Variants in BTAF1 observed in about 807,000 individuals in gnomAD.
BTAF1 encodes TATA-binding protein-associated factor 172.
Under a neutral mutation model 227.1 loss-of-function variants are expected in BTAF1, and 38 were observed. That is an observed-to-expected ratio of 0.17 (90% confidence interval 0.13 to 0.22). The LOEUF (loss-of-function observed/expected upper bound fraction) is 0.22. Ranked by LOEUF, BTAF1 falls within the 10% of genes least tolerant of loss-of-function variation. BTAF1 has a pLI of 1.00. For synonymous variants in BTAF1, 742 were observed against 751.9 expected (o/e 0.99, Z 0.21); for missense variants, 1,598 against 2,204.0 (o/e 0.73, Z 5.51).
In BTAF1 at chr10:91,961,463, T is replaced by C. The variant is rs574131493; in HGVS notation, c.1264-1075T>C. On this transcript the variant is annotated intron_variant, in intron 11 of 37. Transcript: ENST00000265990. Reference sequence around the variant, plus strand: ...TTCTAAGATTGTCTTTTTTTTTTTTTCCCTTCTTTAACTGCCAATAACAAA... The same window carrying C: ...TTCTAAGATTGTCTTTTTTTTTTTTCCCCTTCTTTAACTGCCAATAACAAA... Among the ~76,000 whole-genome samples the C allele has an allele frequency of 1.5e-3, 153 of 100,868 alleles. 1 individual carries two copies. The highest frequency in any genetic ancestry group is 5.7e-3 in the African/African-American group (143 of 24,924). The allele number at this position is 100,868 out of a possible 152,430, so 66.2% of individuals were successfully genotyped here. A position where few individuals can be genotyped will look rare whatever the true frequency, so the allele number is the denominator to read the frequency against.
At chr10:91,997,248 T>A in intron 24 of BTAF1, 1 of 846,152 alleles carries the variant, frequency 1.2e-6, no homozygotes, top group Non-Finnish European at 1.7e-6. Flanking sequence ...GACACTCAGT[T>A]ATATTCCTTT....
chr10:91,956,763 G>A, intron 7 of BTAF1, 106 bp downstream of exon 7: 1 of 1,239,468 alleles, frequency 8.1e-7, no homozygotes, highest in East Asian at 2.5e-5. Context: ...GTCGAGGCGG[G>A]CGTTATCACG....
intron 20 of BTAF1, among the ~76,000 whole-genome samples, chr10:91,991,797 G>GTGTGTGTATATA (rs1554860529): frequency 2.0e-4 from 2 of 10,006 alleles, no homozygotes; most frequent in African/African-American, 3.7e-4. Flanking sequence ...GTGTGTGTGT[G>GTGTGTGTATATA]TATATATATA....
In BTAF1 at chr10:91,982,243, G is replaced by A. The variant is rs375902000; in HGVS notation, c.2048+18G>A. On this transcript the variant is annotated intron_variant, in intron 17 of 37. Transcript: ENST00000265990. Reference sequence around the variant, plus strand: ...GCAGCCAAGTGAGTGTACATTAAGTGTCAGGTAGTCATACATTTACAAGTC... The same window carrying A: ...GCAGCCAAGTGAGTGTACATTAAGTATCAGGTAGTCATACATTTACAAGTC... 8.1e-6 allele frequency: 13 copies of A among 1,613,558 alleles called. No individual in the cohort carries two copies. The highest frequency in any genetic ancestry group is 1.1e-5 in the Non-Finnish European group (13 of 1,179,770).
Position 91,992,113 on chromosome 10 carries a change from T to C in BTAF1, c.2855-6T>C, listed in dbSNP as rs1848833083. ...TTAAAAGGTTGTTTAACTTTTTTCT[T>C]ATTAGGATCCACCTCAGAAAAAGAT... On this transcript the variant is annotated splice_region_variant and splice_polypyrimidine_tract_variant and intron_variant, in intron 20 of 37. Transcript: ENST00000265990. The C allele has an allele frequency of 1.9e-5, 30 of 1,552,652 alleles. No individual in the cohort carries two copies. The highest frequency in any genetic ancestry group is 2.6e-5 in the Non-Finnish European group (30 of 1,147,052).
At chr10:92,013,144 A>G (rs1165051949) in intron 30 of BTAF1, among the ~76,000 whole-genome samples, 4 of 152,210 alleles carry the variant, frequency 2.6e-5, no homozygotes, top group Non-Finnish European at 4.4e-5. Context: ...CTATCAGGAA[A>G]GCGTCTGAAA....
In BTAF1 at chr10:91,992,226, G is replaced by A. The variant is rs1848838112; in HGVS notation, c.2962G>A (p.Gly988Ser). 1.9e-6 allele frequency: 3 copies of A among 1,613,648 alleles called. No homozygotes were observed. In the Admixed American group the frequency reaches 5.0e-5, roughly 27 times the overall value. Residue 988 changes from glycine to serine, a missense_variant, in exon 21 of 38, where the codon GGT becomes AGT. Transcript: ENST00000265990. The stretch of plus-strand genomic sequence containing the variant: ...TGCCTTTGCTATCACAAGTAGGCGA[G>A]GTCCTACCCCCAAAGCAGTAAAAGC... ...KAAFAITSRRGPTPKAVKAQI... is the reference protein window; with the variant it reads ...KAAFAITSRRSPTPKAVKAQI...
chr10:92,004,301 A>C (rs1849737060), intron 25 of BTAF1, among the ~76,000 whole-genome samples: 1 of 152,148 alleles, frequency 6.6e-6, no homozygotes, highest in Non-Finnish European at 1.5e-5. Flanking sequence ...AGAAGTATTT[A>C]AGATTTCAGA....
At chr10:91,929,567 A>G (rs1178020731) in intron 1 of BTAF1, among the ~76,000 whole-genome samples, 1 of 152,242 alleles carries the variant, frequency 6.6e-6, no homozygotes, top group Non-Finnish European at 1.5e-5. Flanking sequence ...TTGTTTCAAC[A>G]GGCCTATTCT....
intron 14 of BTAF1, among the ~76,000 whole-genome samples, chr10:91,974,852 T>C (rs1227417313): frequency 6.6e-6 from 1 of 152,034 alleles, no homozygotes; most frequent in Non-Finnish European, 1.5e-5. Context: ...AAACTCCGTC[T>C]CAAAAACAAA....
At chr10:91,928,333 C>T (rs1844010263) in intron 1 of BTAF1, among the ~76,000 whole-genome samples, 1 of 152,114 alleles carries the variant, frequency 6.6e-6, no homozygotes, top group Non-Finnish European at 1.5e-5. Context: ...CTTTGTTACT[C>T]TCTAAAATTG....
At chr10:92,003,135 G>T (rs1354052909) in intron 25 of BTAF1, among the ~76,000 whole-genome samples, 1 of 138,054 alleles carries the variant, frequency 7.2e-6, no homozygotes, top group Non-Finnish European at 1.5e-5. Context: ...CAGCTTGGGC[G>T]ACAGAGTGAG....
At chr10:91,951,609 A>G (rs747841620) in intron 5 of BTAF1, 43 bp downstream of exon 5, 12 of 1,529,796 alleles carry the variant, frequency 7.8e-6, no homozygotes, top group Non-Finnish European at 1.1e-5. Flanking sequence ...TAATAATACA[A>G]AGGGTTTGCT....
At position 91,923,909 on chromosome 10, in the gene BTAF1, A is replaced by G; in HGVS notation, c.-168A>G. 1.3e-6 allele frequency: 1 copy of G among 744,124 alleles called. No homozygotes were observed. The highest frequency in any genetic ancestry group is 3.4e-5 in the East Asian group (1 of 29,284). 46.1% of individuals were successfully genotyped at this position (744,124 alleles called of 1,614,324 possible). ...GGCCGCCGCGGGGACGAGCTCGGGT[A>G]GGCGGCAGGGCAGATGCCCGAGGGC... On this transcript the variant is annotated 5_prime_UTR_variant, in exon 1 of 38. Transcript: ENST00000265990.
intron 1 of BTAF1, among the ~76,000 whole-genome samples, chr10:91,927,158 G>A (rs1384176016): frequency 4.7e-5 from 7 of 147,714 alleles, no homozygotes; most frequent in Admixed American, 2.7e-4. Context: ...TTTTTTTTGA[G>A]ACAGAGTTTT....
intron 1 of BTAF1, among the ~76,000 whole-genome samples, chr10:91,925,806 A>G (rs913764073): frequency 2.0e-5 from 3 of 152,206 alleles, no homozygotes; most frequent in Non-Finnish European, 4.4e-5. Flanking sequence ...CACCGCGCCC[A>G]GCCAACACTA....
chr10:91,966,161 A>G (rs1480390717), intron 13 of BTAF1, among the ~76,000 whole-genome samples: 1 of 152,214 alleles, frequency 6.6e-6, no homozygotes, highest in Non-Finnish European at 1.5e-5. Context: ...AGTTGCTACC[A>G]TACCACCACT....
intron 3 of BTAF1, among the ~76,000 whole-genome samples, chr10:91,940,339 T>C (rs561055681): frequency 6.6e-6 from 1 of 152,260 alleles, no homozygotes; most frequent in East Asian, 1.9e-4. Context: ...CTTCAAGTAA[T>C]TGACATTCTA....
intron 14 of BTAF1, among the ~76,000 whole-genome samples, chr10:91,975,023 AATATAT>A (rs974557887): frequency 6.6e-6 from 1 of 152,122 alleles, no homozygotes; most frequent in African/African-American, 2.4e-5. Context: ...TACACCTATT[AATATAT>A]ATATCTATCA....
Sources: allele counts gnomAD v4.1 joint callset (sites outside exome capture counted in the v4.1 genomes callset), GRCh38; gene constraint gnomAD v4.1.1; transcripts MANE v1.5; gene names NCBI Gene and HGNC (gene_info 2026-07-23, HGNC 2026-07-21).